SOD1: variants seen among roughly 807,000 people sequenced by gnomAD.
SOD1 encodes superoxide dismutase 1.
SOD1 carries 8 observed loss-of-function variants against 15.9 expected under a neutral mutation model. That is an observed-to-expected ratio of 0.50 (90% CI 0.30 to 0.91). The LOEUF (loss-of-function observed/expected upper bound fraction) is 0.91, where lower values mean the gene tolerates loss of function less well. Ranked by LOEUF, SOD1 falls within the 40% of genes least tolerant of loss-of-function variation. SOD1 has a pLI of 0.07. For synonymous variants in SOD1, 86 were observed against 71.2 expected (o/e 1.21, Z -1.04); for missense variants, 137 against 194.5 (o/e 0.70, Z 1.76).
intron 1 of SOD1, chr21:31,660,657 A>G (rs2049540772): frequency 6.6e-6 from 1 of 152,234 alleles, no homozygotes; most frequent in African/African-American, 2.4e-5. Context: ...TACTAAAAAT[A>G]CACCAGAGCC....
intron 1 of SOD1, chr21:31,660,704 G>A (rs2049541426): frequency 6.6e-6 from 1 of 152,192 alleles, no homozygotes; most frequent in Non-Finnish European, 1.5e-5. Flanking sequence ...CTGTCCTAGT[G>A]CAGGGTGAGT....
chr21:31,668,801 G>GT lies in SOD1; in HGVS notation c.*224dup, dbSNP rs2049623436. 1.9e-6 allele frequency: 1 copy of GT among 519,468 alleles called. No individual in the cohort carries two copies. The highest frequency in any genetic ancestry group is 3.4e-5 in the East Asian group (1 of 29,054). 32.2% of individuals were successfully genotyped at this position (519,468 alleles called of 1,614,324 possible). A position where few individuals can be genotyped will look rare whatever the true frequency, so the allele number is the denominator to read the frequency against. On this transcript the variant is annotated 3_prime_UTR_variant, in exon 5 of 5. Transcript: ENST00000270142. ...GTTAAAATGTCTGTTTCAATGACCT[G>GT]TATTTTGCCAGACTTAAATCACAGA...
chr21:31,660,448 TG>T (rs1178213690), intron 1 of SOD1: 3 of 152,308 alleles, frequency 2.0e-5, no homozygotes, highest in African/African-American at 7.2e-5. Context: ...AGAGACCGTT[TG>T]TGTGACACTT....
At position 31,659,734 on chromosome 21, in the gene SOD1, C is replaced by T. The variant is rs377672428; in HGVS notation, c.-36C>T. On this transcript the variant is annotated 5_prime_UTR_variant, in exon 1 of 5. Coordinates refer to ENST00000270142, the MANE Select transcript of SOD1 (RefSeq NM_000454.5). ...CAGCGTCTGGGGTTTCCGTTGCAGT[C>T]CTCGGAACCAGGACCTCGGCGTGGC... 1.9e-6 allele frequency: 3 copies of T among 1,612,062 alleles called. No homozygotes were observed. Among genetic ancestry groups the T allele is most frequent in the Non-Finnish European group, 2.5e-6 (3 of 1,178,334 alleles).
intron 2 of SOD1, among the ~76,000 whole-genome samples, chr21:31,665,439 C>T (rs1178703898): frequency 6.6e-6 from 1 of 152,136 alleles, no homozygotes; most frequent in African/African-American, 2.4e-5. Context: ...TCTGTAATTG[C>T]TGAAATTCCC....
At chr21:31,662,088 C>A (rs908590525) in intron 1 of SOD1, among the ~76,000 whole-genome samples, 2 of 152,148 alleles carry the variant, frequency 1.3e-5, no homozygotes, top group Non-Finnish European at 2.9e-5. Context: ...CTGTGTTATT[C>A]ACTTAAGTTC....
At position 31,664,010 on chromosome 21, in the gene SOD1, C is replaced by T. The variant is rs907183546; in HGVS notation, c.169+124C>T. 2.1e-4 allele frequency: 151 copies of T among 734,012 alleles called. 1 individual carries two copies. In the East Asian group the frequency reaches 4.0e-3, roughly 19 times the overall value. The allele number at this position is 734,012 out of a possible 1,614,324, so 45.5% of individuals were successfully genotyped here. On this transcript the variant is annotated intron_variant, in intron 2 of 4. Transcript: ENST00000270142. Reference sequence around the variant, plus strand: ...TTTTTGAGAAAGGGTCTTGCTCTGTCGCTCAGGCTGGAGTGCAGTGGCGCT... The same window carrying T: ...TTTTTGAGAAAGGGTCTTGCTCTGTTGCTCAGGCTGGAGTGCAGTGGCGCT...
intron 2 of SOD1, 53 bp from the exon 3 acceptor site, chr21:31,666,396 A>G (rs1445437061): frequency 1.9e-5 from 26 of 1,356,392 alleles, no homozygotes; most frequent in Non-Finnish European, 2.7e-5. Flanking sequence ...TTTAGAATGT[A>G]TTTGGGAACT....
intron 3 of SOD1, 29 bp downstream of exon 3, chr21:31,666,547 T>C (rs2049594991): frequency 2.0e-6 from 3 of 1,494,918 alleles, no homozygotes; most frequent in Non-Finnish European, 1.9e-6. Flanking sequence ...CTTGTAATAA[T>C]GGCGATAGCT....
At chr21:31,662,086 T>C (rs988714417) in intron 1 of SOD1, among the ~76,000 whole-genome samples, 1 of 152,176 alleles carries the variant, frequency 6.6e-6, no homozygotes, top group Non-Finnish European at 1.5e-5. Context: ...GCCTGTGTTA[T>C]TCACTTAAGT....
intron 4 of SOD1, among the ~76,000 whole-genome samples, chr21:31,667,868 C>G (rs1048024847): frequency 1.3e-5 from 2 of 152,204 alleles, no homozygotes; most frequent in Non-Finnish European, 2.9e-5. Context: ...GACAGGCTCT[C>G]TTTTACCTCC....
At chr21:31,667,690 G>C (rs1568811019) in intron 4 of SOD1, among the ~76,000 whole-genome samples, 1 of 152,172 alleles carries the variant, frequency 6.6e-6, no homozygotes, top group Non-Finnish European at 1.5e-5. Flanking sequence ...TTTCTCACTT[G>C]TTAAACAGAA....
At chr21:31,666,308 G>A (rs1283882112) in intron 2 of SOD1, 141 bp from the exon 3 acceptor site, 8 of 687,224 alleles carry the variant, frequency 1.2e-5, no homozygotes, top group African/African-American at 3.5e-5. Flanking sequence ...CACTGTGGCT[G>A]TACCAAGGTG....
At chr21:31,666,346 G>A in intron 2 of SOD1, 103 bp from the exon 3 acceptor site, 1 of 834,454 alleles carries the variant, frequency 1.2e-6, no homozygotes. Context: ...CGTGATGCAG[G>A]TCAGCACTTT....
At chr21:31,668,064 T>C (rs1429871562) in intron 4 of SOD1, among the ~76,000 whole-genome samples, 1 of 152,222 alleles carries the variant, frequency 6.6e-6, no homozygotes, top group East Asian at 1.9e-4. Context: ...GGCCCGTCAT[T>C]CATTTGGCAT....
chr21:31,666,300 C>T (rs895885570), intron 2 of SOD1, 149 bp from the exon 3 acceptor site: 2 of 672,146 alleles, frequency 3.0e-6, no homozygotes, highest in East Asian at 2.8e-5. Context: ...TCCCTTCTCA[C>T]TGTGGCTGTA....
Position 31,668,645 on chromosome 21 carries a change from T to C in SOD1, c.*67T>C. ...TTATCCTGCTAGCTGTAGAAATGTA[T>C]CCTGATAAACATTAAACACTGTAAT... On this transcript the variant is annotated 3_prime_UTR_variant, in exon 5 of 5. Coordinates refer to ENST00000270142, the MANE Select transcript of SOD1 (RefSeq NM_000454.5). 1 of 1,178,244 alleles carries C rather than the reference T, an allele frequency of 8.5e-7. No homozygotes were observed. 73.0% of individuals were successfully genotyped at this position (1,178,244 alleles called of 1,614,324 possible).
At chr21:31,663,661 G>T in intron 1 of SOD1, 129 bp from the exon 2 acceptor site, 1 of 710,752 alleles carries the variant, frequency 1.4e-6, no homozygotes, top group East Asian at 2.9e-5. Context: ...AAAGTGGTCA[G>T]CCTGGGATTT....
In SOD1 at chr21:31,659,737, C is replaced by T. The variant is rs749428274; in HGVS notation, c.-33C>T. The T allele has an allele frequency of 9.9e-6, 16 of 1,612,624 alleles. No homozygotes were observed. The highest frequency in any genetic ancestry group is 1.1e-5 in the Non-Finnish European group (13 of 1,178,894). On this transcript the variant is annotated 5_prime_UTR_variant, in exon 1 of 5. Transcript: ENST00000270142. ...CGTCTGGGGTTTCCGTTGCAGTCCT[C>T]GGAACCAGGACCTCGGCGTGGCCTA...
Sources: gnomAD v4.1 joint callset for allele counts (sites outside exome capture counted in the v4.1 genomes callset) on GRCh38, gnomAD v4.1.1 for gene constraint, MANE v1.5 for transcripts, NCBI Gene and HGNC (gene_info 2026-07-23, HGNC 2026-07-21) for gene names.